PCDHGA4: variants seen among roughly 807,000 people sequenced by gnomAD.
The protein encoded by PCDHGA4 is protocadherin gamma subfamily A, 4.
Under a neutral mutation model 54.6 loss-of-function variants are expected in PCDHGA4, and 38 were observed. The observed-to-expected ratio is 0.70, with a 90% CI of 0.54 to 0.91. PCDHGA4 has a LOEUF of 0.91. Ranked by LOEUF, PCDHGA4 falls within the 40% of genes least tolerant of loss-of-function variation. The probability of loss-of-function intolerance (pLI) is 0.00; values close to 1 mark genes in which losing one functional copy is unlikely to be tolerated. For synonymous variants in PCDHGA4, 511 were observed against 512.9 expected, an observed-to-expected ratio of 1.00 and a Z score of 0.05; for missense variants, 1,298 against 1,220.9, an observed-to-expected ratio of 1.06 and a Z score of -0.94.
Position 141,355,963 on chromosome 5 carries a change from G to A in PCDHGA4, c.856G>A (p.Val286Ile). ...GTACCACGTAAGTGTTCGTGAGAAC[G>A]TTCCTGTAGGCACTCGGCTACTCAC... ...PEYHVSVRENVPVGTRLLTVK... is the reference protein window; with the variant it reads ...PEYHVSVRENIPVGTRLLTVK... Residue 286 changes from valine (V) to isoleucine (I), a missense_variant, in exon 1 of 4, where the codon GTT becomes ATT. Transcript: ENST00000571252. 1 of 1,613,836 alleles carries A rather than the reference G, an allele frequency of 6.2e-7. No homozygotes were observed. The highest frequency in any genetic ancestry group is 8.5e-7 in the Non-Finnish European group (1 of 1,179,844).
At chr5:141,414,320 A>C (rs372261571) in intron 1 of PCDHGA4, 7 of 1,613,840 alleles carry the variant, frequency 4.3e-6, no homozygotes, top group Non-Finnish European at 5.9e-6. Flanking sequence ...GACTCTGAGC[A>C]GAATGGACAG....
In PCDHGA4 at chr5:141,356,973, G is replaced by A; in HGVS notation, c.1866G>A (p.Val622=). ...ATTCCGGCTACCTGGTGACCAAAGT[G>A]GTGGCAGTGGACAGAGACTCAGGTC... ...SADSGYLVTK[V]VAVDRDSGQN... is the part of the protein sequence containing the mutation. The change falls in exon 1 of 4, where the codon GTG becomes GTA. Residue 622 remains valine (V), a synonymous_variant. Coordinates refer to ENST00000571252, the MANE Select transcript of PCDHGA4 (RefSeq NM_018917.4). The A allele has an allele frequency of 1.2e-6, 2 of 1,614,266 alleles. No individual in the cohort carries two copies. The highest frequency in any genetic ancestry group is 2.2e-5 in the East Asian group (1 of 44,880).
chr5:141,499,104 C>A (rs2099789508), intron 2 of PCDHGA4, among the ~76,000 whole-genome samples: 1 of 152,120 alleles, frequency 6.6e-6, no homozygotes, highest in African/African-American at 2.4e-5. Flanking sequence ...CTTCTCCTCC[C>A]CACCACTATC....
intron 1 of PCDHGA4, among the ~76,000 whole-genome samples, chr5:141,446,891 C>T (rs1457416718): frequency 6.6e-6 from 1 of 152,152 alleles, no homozygotes; most frequent in South Asian, 2.1e-4. Context: ...GGGTTCATGG[C>T]TGAGCTACTT....
At chr5:141,450,006 C>CTTTTTT (rs1554136305) in intron 1 of PCDHGA4, among the ~76,000 whole-genome samples, 15 of 132,950 alleles carry the variant, frequency 1.1e-4, no homozygotes, top group African/African-American at 2.0e-4. Context: ...TGCCATGTCT[C>CTTTTTT]TTTTTTTTTT....
chr5:141,370,545 G>A (rs768607566), intron 1 of PCDHGA4: 2 of 1,613,866 alleles, frequency 1.2e-6, no homozygotes, highest in Non-Finnish European at 1.7e-6. Context: ...AGGGAACCTC[G>A]CCAAGGACCT....
Position 141,491,665 on chromosome 5 carries a change from C to T in PCDHGA4, c.2515-3142C>T, listed in dbSNP as rs749918160. 6.2e-7 allele frequency: 1 copy of T among 1,613,764 alleles called. No homozygotes were observed. The highest frequency in any genetic ancestry group is 8.5e-7 in the Non-Finnish European group (1 of 1,180,000). On this transcript the variant is annotated intron_variant, in intron 1 of 3. Transcript: ENST00000571252. The surrounding 1 kb of genome is among the most constrained non-coding windows in gnomAD (Gnocchi z 6.9). ...TCTGGCGCTGGAGCCTGACGCCATCCGGTCCCGCTCTAATACGCTGCGGGA... is the reference window on the plus strand; with the variant it reads ...TCTGGCGCTGGAGCCTGACGCCATCTGGTCCCGCTCTAATACGCTGCGGGA...
chr5:141,489,592 C>A lies in PCDHGA4; in HGVS notation c.2515-5215C>A, dbSNP rs747085985. On this transcript the variant is annotated intron_variant, in intron 1 of 3. Coordinates refer to ENST00000571252, the MANE Select transcript of PCDHGA4 (RefSeq NM_018917.4). The surrounding 1 kb of genome is among the most constrained non-coding windows in gnomAD (Gnocchi z 4.5). ...GACTGAACACCCCCTGGAGCTAATCCGTGTAGAGGTAGAGATCCTGGATCT... is the reference window on the plus strand; with the variant it reads ...GACTGAACACCCCCTGGAGCTAATCAGTGTAGAGGTAGAGATCCTGGATCT... 3 of 1,614,046 alleles carry A rather than the reference C, an allele frequency of 1.9e-6. No homozygotes were observed. Among genetic ancestry groups the A allele is most frequent in the Non-Finnish European group, 2.5e-6 (3 of 1,179,978 alleles).
Position 141,376,503 on chromosome 5 carries a change from T to C in PCDHGA4, c.2514+18882T>C, listed in dbSNP as rs192154001. 1.1e-5 allele frequency: 17 copies of C among 1,614,052 alleles called. No homozygotes were observed. In the African/African-American group the frequency reaches 2.1e-4, roughly 20 times the overall value. ...GAAACGAAAGGAGAACCCAGGCAAC[T>C]TCAGGTGAGTTTCTTTCCGCCTAAG... is the stretch of plus-strand genomic sequence containing the variant. On this transcript the variant is annotated intron_variant, in intron 1 of 3. Transcript: ENST00000571252.
At chr5:141,469,079 C>T (rs1169035651) in intron 1 of PCDHGA4, among the ~76,000 whole-genome samples, 1 of 151,492 alleles carries the variant, frequency 6.6e-6, no homozygotes, top group Non-Finnish European at 1.5e-5. Context: ...GAGTTTGAGA[C>T]CATTCTAGGC....
intron 1 of PCDHGA4, chr5:141,366,252 G>A (rs772676267): frequency 8.1e-6 from 13 of 1,613,596 alleles, no homozygotes; most frequent in Non-Finnish European, 1.1e-5. Context: ...CTCAAGCAGA[G>A]CCTCGTGGTG....
chr5:141,359,142 A>T (rs903512422), intron 1 of PCDHGA4, among the ~76,000 whole-genome samples: 1 of 152,224 alleles, frequency 6.6e-6, no homozygotes, highest in Non-Finnish European at 1.5e-5. Context: ...AGTAAGCTGG[A>T]ATATGATATG....
At chr5:141,419,411 C>T (rs757881409) in intron 1 of PCDHGA4, 7 of 1,613,344 alleles carry the variant, frequency 4.3e-6, no homozygotes, top group Non-Finnish European at 5.9e-6. Flanking sequence ...GTTCGCGCAG[C>T]GCGCCTTCGA....
At position 141,408,970 on chromosome 5, in the gene PCDHGA4, C is replaced by T. The variant is rs755949698; in HGVS notation, c.2514+51349C>T. The stretch of plus-strand genomic sequence containing the variant: ...GAATTAGTCTTAGTGAAAATCTGCC[C>T]CCTGGGTCCCCTGTGTTGCAAGTGA... On this transcript the variant is annotated intron_variant, in intron 1 of 3. Coordinates refer to ENST00000571252, the MANE Select transcript of PCDHGA4 (RefSeq NM_018917.4). 10 of 1,613,770 alleles carry T rather than the reference C, an allele frequency of 6.2e-6. No homozygotes were observed. The South Asian group carries it at 1.1e-4, about 18-fold the overall frequency.
rs575250872 is a variant in PCDHGA4, at chr5:141,490,163, T to C, written c.2515-4644T>C. ...GGGGCAATCCATGTGTTGGGTCCCA[T>C]AGACTTTGAGGAGTCACGTTTCTAT... On this transcript the variant is annotated intron_variant, in intron 1 of 3. Transcript: ENST00000571252. This position sits in a 1 kb window ranked among gnomAD's most constrained non-coding sequence, Gnocchi z 5.4. 2 of 1,614,234 alleles carry C rather than the reference T, an allele frequency of 1.2e-6. No homozygotes were observed. The highest frequency in any genetic ancestry group is 2.2e-5 in the East Asian group (1 of 44,886).
chr5:141,420,519 A>G (rs1056198647), intron 1 of PCDHGA4: 1 of 387,066 alleles, frequency 2.6e-6, no homozygotes, highest in African/African-American at 2.1e-5. Flanking sequence ...GAAGTAAAAT[A>G]CCTTTCGGTT....
rs755499740 is a variant in PCDHGA4 at position 141,389,751 on chromosome 5, G to C, written c.2514+32130G>C. 1.9e-6 allele frequency: 3 copies of C among 1,612,800 alleles called. No individual in the cohort carries two copies. The highest frequency in any genetic ancestry group is 1.1e-5 in the South Asian group (1 of 91,032). ...CTTCAGCCTGGGGCTGCGCACGGGC[G>C]AAGTGCGCACAGCGCGTGCCTTAGG... On this transcript the variant is annotated intron_variant, in intron 1 of 3. Coordinates refer to ENST00000571252, the MANE Select transcript of PCDHGA4 (RefSeq NM_018917.4).
intron 1 of PCDHGA4, chr5:141,374,444 G>T: frequency 6.2e-7 from 1 of 1,613,848 alleles, no homozygotes; most frequent in Non-Finnish European, 8.5e-7. Context: ...TCCCGTGGAA[G>T]TGGAAATAGT....
chr5:141,413,024 C>G, intron 1 of PCDHGA4: 1 of 736,254 alleles, frequency 1.4e-6, no homozygotes, highest in Non-Finnish European at 2.1e-6. Context: ...ACAAGCCCCA[C>G]AAACCGGCTG....
Sources: gnomAD v4.1 joint callset for allele counts (sites outside exome capture counted in the v4.1 genomes callset) on GRCh38, gnomAD v4.1.1 for gene constraint, Gnocchi (gnomAD v3.1) non-coding constraint, MANE v1.5 for transcripts, NCBI Gene and HGNC (gene_info 2026-07-23, HGNC 2026-07-21) for gene names.